The following SPIDR variants were observed in gnomAD, a reference collection of about 807,000 sequenced individuals.
SPIDR encodes the protein scaffold protein involved in DNA repair, also known as DNA repair-scaffolding protein.
Under a neutral mutation model 104.6 loss-of-function variants are expected in SPIDR, and 93 were observed. The ratio of observed to expected loss-of-function variants is 0.89; its 90% CI spans 0.75 to 1.06. SPIDR has a LOEUF of 1.06. Ranked by LOEUF, SPIDR falls within the 50% of genes least tolerant of loss-of-function variation. The pLI is 0.00. For synonymous variants in SPIDR, 431 were observed against 416.9 expected (o/e 1.03, Z -0.41); for missense variants, 1,154 against 1,111.2 (o/e 1.04, Z -0.55).
At chr8:47,734,446 A>G (rs1409914542) in intron 19 of SPIDR, among the ~76,000 whole-genome samples, 2 of 152,136 alleles carry the variant, frequency 1.3e-5, no homozygotes, top group Admixed American at 6.5e-5. Context: ...CTCCAGCCTC[A>G]GTCTCTTTGG....
At chr8:47,480,747 T>A (rs1398267751) in intron 8 of SPIDR, among the ~76,000 whole-genome samples, 4 of 152,208 alleles carry the variant, frequency 2.6e-5, no homozygotes, top group South Asian at 2.1e-4. Context: ...ATCTTCTCCT[T>A]CCTGTCCAGA....
intron 5 of SPIDR, among the ~76,000 whole-genome samples, chr8:47,338,150 T>G (rs1051684532): frequency 6.6e-6 from 1 of 152,182 alleles, no homozygotes; most frequent in Admixed American, 6.6e-5. Context: ...TGCCTGTCCC[T>G]TTCCTGGTGG....
intron 10 of SPIDR, among the ~76,000 whole-genome samples, chr8:47,623,959 A>G (rs1057081402): frequency 2.0e-5 from 3 of 152,244 alleles, no homozygotes; most frequent in African/African-American, 7.2e-5. Flanking sequence ...CAACACACCT[A>G]TTCCAAAATT....
At chr8:47,619,408 C>T in intron 10 of SPIDR, among the ~76,000 whole-genome samples, 1 of 152,118 alleles carries the variant, frequency 6.6e-6, no homozygotes, top group East Asian at 1.9e-4. Context: ...CACATTTGAG[C>T]ACCTCCCATG....
intron 3 of SPIDR, among the ~76,000 whole-genome samples, chr8:47,289,956 A>G (rs1425908169): frequency 1.3e-5 from 2 of 152,222 alleles, no homozygotes; most frequent in African/African-American, 4.8e-5. Flanking sequence ...GATACACACA[A>G]CTTAGATGAA....
chr8:47,677,854 A>C (rs964723874), intron 11 of SPIDR, among the ~76,000 whole-genome samples: 1 of 152,204 alleles, frequency 6.6e-6, no homozygotes, highest in Non-Finnish European at 1.5e-5. Flanking sequence ...TTATCTGTGG[A>C]GACAAATGTA....
At chr8:47,431,464 T>G (rs1255515788) in intron 7 of SPIDR, among the ~76,000 whole-genome samples, 3 of 152,202 alleles carry the variant, frequency 2.0e-5, no homozygotes, top group Admixed American at 2.0e-4. Flanking sequence ...GGAATTTCTT[T>G]TAAAATTGGA....
At chr8:47,290,280 A>T (rs1554567489) in intron 3 of SPIDR, among the ~76,000 whole-genome samples, 3,458 of 152,254 alleles carry the variant, frequency 0.023, 102 homozygotes, top group East Asian at 0.082. Flanking sequence ...TAACATTTTT[A>T]AAATGACAAA....
chr8:47,647,669 G>GGA (rs2070772669), intron 10 of SPIDR, among the ~76,000 whole-genome samples: 2 of 78,586 alleles, frequency 2.5e-5, no homozygotes, highest in African/African-American at 9.1e-5. Context: ...AGAGAGAGAG[G>GGA]GAGAGAGGGA....
At chr8:47,355,482 C>T (rs566671937) in intron 5 of SPIDR, among the ~76,000 whole-genome samples, 11 of 152,224 alleles carry the variant, frequency 7.2e-5, no homozygotes, top group Non-Finnish European at 1.6e-4. Context: ...AACCACAGCT[C>T]AGATTTGCGG....
chr8:47,298,062 A>G (rs2041236229), intron 5 of SPIDR, among the ~76,000 whole-genome samples: 1 of 152,180 alleles, frequency 6.6e-6, no homozygotes, highest in Non-Finnish European at 1.5e-5. Context: ...GAACTAGTTT[A>G]CACTCCCACC....
chr8:47,729,393 C>T lies in SPIDR; in HGVS notation c.2551-19C>T, dbSNP rs748777082. The T allele has an allele frequency of 7.6e-6, 12 of 1,580,956 alleles. No individual in the cohort carries two copies. The South Asian group carries it at 1.2e-4, about 15-fold the overall frequency. The stretch of plus-strand genomic sequence containing the variant: ...TGTGTTGGAGGGAGTTTAACCCAGC[C>T]CTGCTTCTGCTGTTGCAGCTGTTGC... On this transcript the variant is annotated intron_variant, in intron 18 of 19. Coordinates refer to ENST00000297423, the MANE Select transcript of SPIDR (RefSeq NM_001080394.4).
intron 8 of SPIDR, among the ~76,000 whole-genome samples, chr8:47,527,035 C>T (rs567788207): frequency 6.6e-6 from 1 of 152,254 alleles, no homozygotes; most frequent in South Asian, 2.1e-4. Flanking sequence ...AAGTTACACT[C>T]CAGGGGGTCC....
intron 8 of SPIDR, among the ~76,000 whole-genome samples, chr8:47,568,522 A>G (rs1281137619): frequency 6.6e-6 from 1 of 152,182 alleles, no homozygotes; most frequent in African/African-American, 2.4e-5. Context: ...CCAGGGGCAA[A>G]GTCTCTGGTA....
At chr8:47,718,969 T>A (rs2082978708) in intron 16 of SPIDR, among the ~76,000 whole-genome samples, 1 of 151,988 alleles carries the variant, frequency 6.6e-6, no homozygotes, top group Admixed American at 6.6e-5. Context: ...TTGGAAACCC[T>A]CACAGGTCTT....
At chr8:47,732,325 CA>C in intron 19 of SPIDR, 1 of 645,994 alleles carries the variant, frequency 1.5e-6, no homozygotes, top group Non-Finnish European at 2.8e-6. Context: ...ATGTGTGCAT[CA>C]GAGCACCTTT....
intron 13 of SPIDR, 25 bp downstream of exon 13, chr8:47,701,889 T>A (rs1286786291): frequency 6.2e-7 from 1 of 1,614,062 alleles, no homozygotes; most frequent in Non-Finnish European, 8.5e-7. Context: ...TCTAACAGGT[T>A]TTTTAGGTAT....
At chr8:47,345,644 A>C (rs186364473) in intron 5 of SPIDR, among the ~76,000 whole-genome samples, 1 of 152,312 alleles carries the variant, frequency 6.6e-6, no homozygotes, top group African/African-American at 2.4e-5. Context: ...TTCATTGAGC[A>C]GTGGTTTGTA....
chr8:47,636,810 T>G (rs2067998323), intron 10 of SPIDR, among the ~76,000 whole-genome samples: 1 of 145,744 alleles, frequency 6.9e-6, no homozygotes, highest in Admixed American at 6.8e-5. Flanking sequence ...AGCAAGACCC[T>G]ATCTCAAAAA....
Sources: gnomAD v4.1 joint callset for allele counts (sites outside exome capture counted in the v4.1 genomes callset) on GRCh38, gnomAD v4.1.1 for gene constraint, MANE v1.5 for transcripts, NCBI Gene and HGNC (gene_info 2026-07-23, HGNC 2026-07-21) for gene names.